Variants in MYOZ2 observed in about 807,000 individuals in gnomAD.
MYOZ2 encodes myozenin-2.
A neutral mutation model predicts 25.4 loss-of-function variants in MYOZ2; 19 were observed. The ratio of observed to expected loss-of-function variants is 0.75; its 90% CI spans 0.52 to 1.10. The LOEUF is 1.10. MYOZ2 is among the 50% of genes least tolerant of loss of function. The pLI is 0.00. For synonymous variants in MYOZ2, 92 were observed against 106.9 expected, an observed-to-expected ratio of 0.86 and a Z score of 0.86; for missense variants, 270 against 317.9, an observed-to-expected ratio of 0.85 and a Z score of 1.15.
intron 2 of MYOZ2, among the ~76,000 whole-genome samples, chr4:119,150,328 G>T (rs2149221221): frequency 6.6e-6 from 1 of 152,158 alleles, no homozygotes; most frequent in South Asian, 2.1e-4. Context: ...AATGGCATTT[G>T]AGCTGGATTG....
chr4:119,177,274 G>A (rs984028596), intron 5 of MYOZ2, among the ~76,000 whole-genome samples: 2 of 152,060 alleles, frequency 1.3e-5, no homozygotes, highest in Non-Finnish European at 2.9e-5. Flanking sequence ...CTCCAATTCT[G>A]ATTAAGTCCA....
intron 5 of MYOZ2, among the ~76,000 whole-genome samples, chr4:119,178,761 C>T (rs1742130534): frequency 6.6e-6 from 1 of 152,280 alleles, no homozygotes; most frequent in South Asian, 2.1e-4. Flanking sequence ...CATCCACCAC[C>T]TCACCCGGCT....
intron 3 of MYOZ2, among the ~76,000 whole-genome samples, chr4:119,154,116 A>AAT (rs754726554): frequency 2.6e-5 from 4 of 152,246 alleles, no homozygotes; most frequent in Non-Finnish European, 5.9e-5. Context: ...CACACTAAAT[A>AAT]ATTGGAACTC....
At chr4:119,184,097 G>A (rs546005547) in intron 5 of MYOZ2, among the ~76,000 whole-genome samples, 41 of 152,112 alleles carry the variant, frequency 2.7e-4, no homozygotes, top group East Asian at 3.8e-4. Context: ...TTACAGGTGC[G>A]AACCACTGGC....
intron 2 of MYOZ2, among the ~76,000 whole-genome samples, chr4:119,145,550 T>TGTGTGTGTGTGTGTGTG (rs1561104817): frequency 1.9e-5 from 2 of 102,962 alleles, no homozygotes; most frequent in Non-Finnish European, 4.2e-5. Context: ...GTGTGTGTGT[T>TGTGTGTGTGTGTGTGTG]TTTGGTAGAG....
intron 5 of MYOZ2, among the ~76,000 whole-genome samples, chr4:119,169,192 C>T (rs1441591376): frequency 6.6e-6 from 1 of 152,196 alleles, no homozygotes; most frequent in African/African-American, 2.4e-5. Flanking sequence ...GTTTTTCAGA[C>T]ATATTGTTCT....
At chr4:119,161,490 T>A (rs1741709060) in intron 4 of MYOZ2, among the ~76,000 whole-genome samples, 2 of 152,092 alleles carry the variant, frequency 1.3e-5, no homozygotes, top group Non-Finnish European at 2.9e-5. Flanking sequence ...ATAAAATTTA[T>A]CTAAATTTCA....
At chr4:119,136,632 A>G in intron 2 of MYOZ2, 31 bp downstream of exon 2, 3 of 1,580,962 alleles carry the variant, frequency 1.9e-6, no homozygotes, top group Non-Finnish European at 2.6e-6. Flanking sequence ...TAGCATTAAT[A>G]TAGCACAGCA....
At chr4:119,137,450 C>T (rs1435995872) in intron 2 of MYOZ2, among the ~76,000 whole-genome samples, 2 of 152,110 alleles carry the variant, frequency 1.3e-5, no homozygotes, top group Non-Finnish European at 1.5e-5. Context: ...CAGAATGCCT[C>T]CTTATTTCCC....
At chr4:119,147,564 A>C (rs1443585976) in intron 2 of MYOZ2, among the ~76,000 whole-genome samples, 3 of 151,960 alleles carry the variant, frequency 2.0e-5, no homozygotes, top group African/African-American at 7.3e-5. Flanking sequence ...AACGTGGAGA[A>C]ACCCCGTCCC....
chr4:119,140,340 T>A (rs1741135477), intron 2 of MYOZ2, among the ~76,000 whole-genome samples: 1 of 152,164 alleles, frequency 6.6e-6, no homozygotes, highest in Non-Finnish European at 1.5e-5. Context: ...ATCTTCAAAA[T>A]CAAAATGAAG....
At chr4:119,154,039 A>G (rs1741515534) in intron 3 of MYOZ2, among the ~76,000 whole-genome samples, 1 of 152,148 alleles carries the variant, frequency 6.6e-6, no homozygotes, top group Non-Finnish European at 1.5e-5. Flanking sequence ...TTTTTGAATC[A>G]CTAGAAATCT....
At position 119,156,113 on chromosome 4, in the gene MYOZ2, C is replaced by T. The variant is rs1337537825; in HGVS notation, c.247-1909C>T. 4.6e-5 allele frequency among the ~76,000 whole-genome samples: 7 copies of T among 151,724 alleles called. No homozygotes were observed. In the East Asian group the frequency reaches 5.8e-4, roughly 13 times the overall value. ...TAAAGGCGAATTATAGTAAATGATA[C>T]GGGAGCGGCGAGAAGAAAGACAAAA... On this transcript the variant is annotated intron_variant, in intron 3 of 5. Coordinates refer to ENST00000307128, the MANE Select transcript of MYOZ2 (RefSeq NM_016599.5).
At chr4:119,137,757 AGAACTGAATTC>A (rs1741064769) in intron 2 of MYOZ2, among the ~76,000 whole-genome samples, 6 of 152,332 alleles carry the variant, frequency 3.9e-5, no homozygotes, top group Middle Eastern at 6.8e-3. Context: ...GTCAGATACC[AGAACTGAATTC>A]ATACCAATCC....
At chr4:119,144,483 C>T (rs1022900024) in intron 2 of MYOZ2, among the ~76,000 whole-genome samples, 2 of 152,158 alleles carry the variant, frequency 1.3e-5, no homozygotes, top group Non-Finnish European at 2.9e-5. Flanking sequence ...TCCAGTATTG[C>T]AGGGTAGTTC....
At position 119,142,002 on chromosome 4, in the gene MYOZ2, AAC is replaced by A. The variant is rs199500600; in HGVS notation, c.76+5402_76+5403del. Among the ~76,000 whole-genome samples, 1,193 of 152,318 alleles carry A rather than the reference AAC, an allele frequency of 7.8e-3. 18 individuals carry two copies. Among genetic ancestry groups the A allele is most frequent in the African/African-American group, 0.027 (1,139 of 41,562 alleles). On this transcript the variant is annotated intron_variant, in intron 2 of 5. Coordinates refer to ENST00000307128, the MANE Select transcript of MYOZ2 (RefSeq NM_016599.5). ...ATTAGAAGGGAAGGGAAGGGAAGAA[AAC>A]CTTGGAAAATTTTGTTTGTGTGTTT...
rs557557222 is a variant in MYOZ2 at position 119,187,628 on chromosome 4, G to A, written c.*1428G>A. 3 of 152,064 alleles carry A rather than the reference G, an allele frequency of 2.0e-5. No homozygotes were observed. The East Asian group carries it at 5.8e-4, about 29-fold the overall frequency. 9.4% of individuals were successfully genotyped at this position (152,064 alleles called of 1,614,324 possible). A position where few individuals can be genotyped will look rare whatever the true frequency, so the allele number is the denominator to read the frequency against. On this transcript the variant is annotated 3_prime_UTR_variant, in exon 6 of 6. Transcript: ENST00000307128. ...TGTAGAGAATTTGTATATTTTTAAA[G>A]ATGTCTTAAGATATCTTAATTTTAT...
In MYOZ2 at chr4:119,186,580, C is replaced by A; in HGVS notation, c.*380C>A. 4.6e-6 allele frequency: 1 copy of A among 219,720 alleles called. No homozygotes were observed. Among genetic ancestry groups the A allele is most frequent in the Non-Finnish European group, 9.1e-6 (1 of 110,388 alleles). The allele number at this position is 219,720 out of a possible 1,614,324, so 13.6% of individuals were successfully genotyped here. On this transcript the variant is annotated 3_prime_UTR_variant, in exon 6 of 6. Coordinates refer to ENST00000307128, the MANE Select transcript of MYOZ2 (RefSeq NM_016599.5). Reference sequence around the variant, plus strand: ...CAAAATACAGGGAGAGATATGAAGACCTATTCAGAGTTTCATCTGGGGATG... The same window carrying A: ...CAAAATACAGGGAGAGATATGAAGAACTATTCAGAGTTTCATCTGGGGATG...
Position 119,186,159 on chromosome 4 carries a change from C to T in MYOZ2, c.754C>T (p.Pro252Ser). ...ENIPIVITTE[P>S]TDDTTVPESE... ...TATTCCTATAGTGATAACAACCGAA[C>T]CTACAGATGATACCACTGTACCAGA... Residue 252 changes from proline (P) to serine (S), a missense_variant, in exon 6 of 6, where the codon CCT becomes TCT. Pro to Ser is a moderately conservative substitution (Grantham distance 74, BLOSUM62 -1). Transcript: ENST00000307128. 2 of 1,613,654 alleles carry T rather than the reference C, an allele frequency of 1.2e-6. No homozygotes were observed. Among genetic ancestry groups the T allele is most frequent in the Non-Finnish European group, 1.7e-6 (2 of 1,179,726 alleles).
Sources: allele counts gnomAD v4.1 joint callset (sites outside exome capture counted in the v4.1 genomes callset), GRCh38; gene constraint gnomAD v4.1.1; transcripts MANE v1.5; gene names NCBI Gene and HGNC (gene_info 2026-07-23, HGNC 2026-07-21).